C4orf36: variants seen among roughly 807,000 people sequenced by gnomAD.
C4orf36 encodes the protein uncharacterized protein C4orf36.
C4orf36 carries 11 observed loss-of-function variants against 12.2 expected under a neutral mutation model. The ratio of observed to expected loss-of-function variants is 0.90; its 90% CI spans 0.57 to 1.49. C4orf36 has a LOEUF of 1.49. Ranked by LOEUF, C4orf36 falls within the 40% of genes most tolerant of loss-of-function variation. The pLI, the probability that C4orf36 is intolerant of heterozygous loss-of-function variation, is 0.00. For missense variants in C4orf36, 137 were observed against 133.9 expected (o/e 1.02, Z -0.11); for synonymous variants, 54 against 51.3 (o/e 1.05, Z -0.22).
the C4orf36 span, among the ~76,000 whole-genome samples, chr4:86,930,775 A>G: frequency 1.3e-5 from 2 of 152,364 alleles, no homozygotes; most frequent in African/African-American, 4.8e-5. Context: ...TATGAACCTC[A>G]TATTTGTTAG....
At chr4:86,877,393 T>G (rs534158460) in intron 4 of C4orf36, among the ~76,000 whole-genome samples, 41 of 152,070 alleles carry the variant, frequency 2.7e-4, no homozygotes, top group African/African-American at 9.6e-4. Context: ...GAAGAAAGAG[T>G]AGAGTGGGTA....
chr4:86,917,870 AATG>A, the C4orf36 span, among the ~76,000 whole-genome samples: 96,821 of 151,782 alleles, frequency 0.64, 32,006 homozygotes, highest in Middle Eastern at 0.78. Context: ...TGGCAGTTGA[AATG>A]ATAAGTATTT....
intron 2 of C4orf36, chr4:86,890,068 T>C (rs1747331830): frequency 2.2e-6 from 1 of 454,488 alleles, no homozygotes. Context: ...GGTGTGTGCC[T>C]GTGGTCCCAG....
the C4orf36 span, among the ~76,000 whole-genome samples, chr4:86,923,718 G>A: frequency 2.7e-5 from 4 of 146,770 alleles, no homozygotes; most frequent in African/African-American, 5.1e-5. Context: ...ATCTGAGATC[G>A]CACCATTGCA....
At chr4:86,895,554 C>T (rs1400425464), upstream of C4orf36, among the ~76,000 whole-genome samples, 2 of 152,158 alleles carry the variant, frequency 1.3e-5, no homozygotes, top group Non-Finnish European at 2.9e-5. Context: ...ACTTAAGATC[C>T]TTAACATTGT....
At chr4:86,926,570 T>A in the C4orf36 span, among the ~76,000 whole-genome samples, 9 of 152,316 alleles carry the variant, frequency 5.9e-5, no homozygotes, top group South Asian at 1.9e-3. Context: ...TCCTCATAGA[T>A]AAGGAATGAA....
At chr4:86,893,958 G>A (rs1179782632), upstream of C4orf36, among the ~76,000 whole-genome samples, 11 of 151,382 alleles carry the variant, frequency 7.3e-5, no homozygotes, top group Non-Finnish European at 1.3e-4. Context: ...GTGCAGTGGC[G>A]CCATCTCAGC....
chr4:86,876,409 T>A lies in C4orf36; in HGVS notation c.*37A>T. ...CAGGAGAAGCAGTTCCCGCCGGCGC[T>A]GCTGAGTTTCTTCATCTACAATCCG... On this transcript the variant is annotated 3_prime_UTR_variant, in exon 5 of 5. Transcript: ENST00000295898. 1 of 1,612,388 alleles carries A rather than the reference T, an allele frequency of 6.2e-7. No individual in the cohort carries two copies. The highest frequency in any genetic ancestry group is 1.1e-5 in the South Asian group (1 of 91,012).
intron 4 of C4orf36, among the ~76,000 whole-genome samples, chr4:86,877,729 G>A (rs1746959089): frequency 6.6e-6 from 1 of 152,190 alleles, no homozygotes; most frequent in African/African-American, 2.4e-5. Context: ...TTCTAAATAT[G>A]TCAAAGCAGC....
At chr4:86,907,838 G>A in the C4orf36 span, among the ~76,000 whole-genome samples, 1 of 151,702 alleles carries the variant, frequency 6.6e-6, no homozygotes, top group Non-Finnish European at 1.5e-5. Flanking sequence ...GCATGGTAGC[G>A]CACGCCTGTA....
chr4:86,886,483 A>G (rs1314359106), intron 4 of C4orf36: 1 of 152,244 alleles, frequency 6.6e-6, no homozygotes, highest in Non-Finnish European at 1.5e-5. Flanking sequence ...AAAAGAAGAC[A>G]TTTATGCAGC....
intron 1 of C4orf36, 93 bp downstream of exon 1, chr4:86,892,090 G>T (rs6837572): frequency 1.0e-6 from 1 of 985,826 alleles, no homozygotes; most frequent in East Asian, 1.1e-4. Context: ...CGCAGGGCCC[G>T]GGAGGAACTG....
Position 86,887,872 on chromosome 4 carries a change from T to C in C4orf36, c.242A>G (p.Tyr81Cys), listed in dbSNP as rs28664715. 0.077 allele frequency: 124,936 copies of C among 1,613,886 alleles called. 5,476 individuals carry two copies. The highest frequency in any genetic ancestry group is 0.088 in the Non-Finnish European group (103,365 of 1,179,844). ...SAESIKLERE[Y>C]EVKRLCKLKC... is the part of the protein sequence containing the mutation. ...CAGTTTACAAAGACGCTTCACTTCA[T>C]ACTCCCTTTCGAGTTTGATAGCTGA... The change falls in exon 4 of 5, where the codon TAT becomes TGT. Residue 81 changes from tyrosine to cysteine, a missense_variant. Transcript: ENST00000295898.
the C4orf36 span, among the ~76,000 whole-genome samples, chr4:86,910,922 T>TA: frequency 8.8e-3 from 1,246 of 141,748 alleles, 6 homozygotes; most frequent in African/African-American, 0.022. Context: ...AAAAAATAGC[T>TA]AAAAAAAAAA....
intron 4 of C4orf36, chr4:86,886,686 A>G (rs1302507839): frequency 1.3e-5 from 2 of 152,222 alleles, no homozygotes; most frequent in African/African-American, 2.4e-5. Flanking sequence ...TAGTTCAACC[A>G]TTGTGGAAGA....
the C4orf36 span, among the ~76,000 whole-genome samples, chr4:86,927,702 A>C: frequency 6.6e-6 from 1 of 151,882 alleles, no homozygotes; most frequent in Non-Finnish European, 1.5e-5. Context: ...CAGGAGGCTG[A>C]GGTAGAGAAT....
At chr4:86,932,878 G>T in the C4orf36 span, among the ~76,000 whole-genome samples, 6 of 151,768 alleles carry the variant, frequency 4.0e-5, no homozygotes, top group Non-Finnish European at 7.4e-5. Context: ...TCAAAATTAA[G>T]AAAGTGCTGG....
At chr4:86,914,359 C>CT in the C4orf36 span, 1 of 1,139,474 alleles carries the variant, frequency 8.8e-7, no homozygotes, top group Middle Eastern at 2.3e-4. Flanking sequence ...AGTTCATGAG[C>CT]TTTCACCCCC....
chr4:86,901,118 G>A, the C4orf36 span, among the ~76,000 whole-genome samples: 17 of 151,822 alleles, frequency 1.1e-4, no homozygotes, highest in African/African-American at 3.9e-4. Context: ...CCAAGTAGCT[G>A]GGGTTACAGG....
Sources: gnomAD v4.1 joint callset for allele counts (sites outside exome capture counted in the v4.1 genomes callset) on GRCh38, gnomAD v4.1.1 for gene constraint, MANE v1.5 for transcripts, NCBI Gene and HGNC (gene_info 2026-07-23, HGNC 2026-07-21) for gene names.